Variants in EXOC4 observed in about 807,000 individuals in gnomAD.
The protein encoded by EXOC4 is SEC8-like 1.
EXOC4 carries 71 observed loss-of-function variants against 107.2 expected under a neutral mutation model. That is an observed-to-expected ratio of 0.66 (90% CI 0.55 to 0.81). EXOC4 has a LOEUF of 0.81. Ranked by LOEUF, EXOC4 falls within the 30% of genes least tolerant of loss-of-function variation. EXOC4 has a pLI of 0.00. For missense variants in EXOC4, 1,108 were observed against 1,189.6 expected (o/e 0.93, Z 1.01); for synonymous variants, 456 against 441.2 (o/e 1.03, Z -0.42).
intron 9 of EXOC4, among the ~76,000 whole-genome samples, chr7:133,607,576 G>A (rs916488233): frequency 6.6e-6 from 1 of 152,032 alleles, no homozygotes; most frequent in Non-Finnish European, 1.5e-5. Context: ...TAATTATAGG[G>A]CAACAAAAAG....
At chr7:133,405,185 A>T (rs1000553727) in intron 7 of EXOC4, among the ~76,000 whole-genome samples, 4 of 152,192 alleles carry the variant, frequency 2.6e-5, no homozygotes, top group Non-Finnish European at 5.9e-5. Context: ...TATTAAAATC[A>T]TACAACATTG....
At chr7:133,707,678 C>G (rs1444299978) in intron 10 of EXOC4, among the ~76,000 whole-genome samples, 2 of 151,952 alleles carry the variant, frequency 1.3e-5, no homozygotes, top group Admixed American at 1.3e-4. Flanking sequence ...TGCAGTGATA[C>G]AATCTCAGCT....
chr7:133,737,223 AATGTGTTCT>A (rs2151124070), intron 10 of EXOC4, among the ~76,000 whole-genome samples: 1 of 152,216 alleles, frequency 6.6e-6, no homozygotes, highest in Admixed American at 6.5e-5. Context: ...ACTGTCTTTT[AATGTGTTCT>A]ATGGCTCCTT....
chr7:133,828,703 T>A (rs1797750444), intron 11 of EXOC4, among the ~76,000 whole-genome samples: 1 of 152,170 alleles, frequency 6.6e-6, no homozygotes, highest in Non-Finnish European at 1.5e-5. Flanking sequence ...ACCTGATACA[T>A]CTCTTATAAC....
the EXOC4 span, among the ~76,000 whole-genome samples, chr7:134,094,066 T>G: frequency 6.6e-6 from 1 of 151,830 alleles, no homozygotes; most frequent in Non-Finnish European, 1.5e-5. Context: ...AATAAATAAC[T>G]AAAATCAGAG....
chr7:133,816,290 A>G (rs1797367047), intron 10 of EXOC4, among the ~76,000 whole-genome samples: 1 of 152,206 alleles, frequency 6.6e-6, no homozygotes, highest in Admixed American at 6.5e-5. Flanking sequence ...ATTAAACCAC[A>G]CAAATCAGGG....
At chr7:133,853,654 G>T (rs936730980) in intron 11 of EXOC4, among the ~76,000 whole-genome samples, 2 of 152,128 alleles carry the variant, frequency 1.3e-5, no homozygotes, top group African/African-American at 4.8e-5. Context: ...TGAGAACTGG[G>T]AAACCATTCC....
chr7:133,618,923 A>G (rs1206950154), intron 9 of EXOC4, among the ~76,000 whole-genome samples: 1 of 152,164 alleles, frequency 6.6e-6, no homozygotes, highest in Non-Finnish European at 1.5e-5. Context: ...GCCTCTAGCA[A>G]TTGTAATTTT....
intron 4 of EXOC4, chr7:133,314,913 C>G: frequency 6.6e-6 from 1 of 152,072 alleles, no homozygotes; most frequent in East Asian, 1.9e-4. Flanking sequence ...GTACCATAAA[C>G]CTGTGTCTTT....
downstream of EXOC4, among the ~76,000 whole-genome samples, chr7:134,069,436 CCTT>C (rs1371133537): frequency 2.7e-5 from 4 of 149,122 alleles, no homozygotes; most frequent in Admixed American, 6.7e-5. Flanking sequence ...TTCTCCTCCT[CCTT>C]CTCCTGCTCC....
In EXOC4 at chr7:133,342,705, C is replaced by G. The variant is rs1230695388; in HGVS notation, c.764-13625C>G. Among the ~76,000 whole-genome samples the G allele has an allele frequency of 1.0e-4, 4 of 39,342 alleles. No individual in the cohort carries two copies. In the East Asian group the frequency reaches 3.6e-3, roughly 35 times the overall value. The allele number at this position is 39,342 out of a possible 152,430, so 25.8% of individuals were successfully genotyped here. A position where few individuals can be genotyped will look rare whatever the true frequency, so the allele number is the denominator to read the frequency against. ...AACGTAATTCCAAATCTCTTGGAAG[C>G]TTTGTTCATTTTTTTTTTTGATTCT... is the stretch of plus-strand genomic sequence containing the variant. On this transcript the variant is annotated intron_variant, in intron 5 of 17. Transcript: ENST00000253861.
intron 9 of EXOC4, among the ~76,000 whole-genome samples, chr7:133,491,819 C>T (rs530377298): frequency 2.0e-4 from 31 of 152,178 alleles, no homozygotes; most frequent in Middle Eastern, 3.4e-3. Flanking sequence ...ATTCTTACGC[C>T]GAACTGGTAA....
the EXOC4 span, among the ~76,000 whole-genome samples, chr7:134,084,145 C>G: frequency 6.6e-6 from 1 of 152,176 alleles, no homozygotes; most frequent in Non-Finnish European, 1.5e-5. Flanking sequence ...GGAAACATGA[C>G]TCATCCAAGG....
rs183032350 is a variant in EXOC4 at position 133,313,502 on chromosome 7, A to G, written c.657-3782A>G. 2.0e-4 allele frequency among the ~76,000 whole-genome samples: 30 copies of G among 152,334 alleles called. No individual in the cohort carries two copies. In the East Asian group the frequency reaches 4.8e-3, roughly 24 times the overall value. On this transcript the variant is annotated intron_variant, in intron 4 of 17. Coordinates refer to ENST00000253861, the MANE Select transcript of EXOC4 (RefSeq NM_021807.4). ...GAATATATCAGTTATTCGATTTACA[A>G]CTTAAAGTTCAACTCACCTCTGTCA...
chr7:133,473,146 A>T (rs1798923651), intron 7 of EXOC4, among the ~76,000 whole-genome samples: 1 of 152,150 alleles, frequency 6.6e-6, no homozygotes, highest in African/African-American at 2.4e-5. Flanking sequence ...AAATTGCTGA[A>T]AATCTTATTA....
chr7:133,288,741 G>A (rs1193324745), intron 2 of EXOC4, among the ~76,000 whole-genome samples, 181 bp from the exon 3 acceptor site: 1 of 152,154 alleles, frequency 6.6e-6, no homozygotes, highest in Non-Finnish European at 1.5e-5. Flanking sequence ...GTGGAGATGT[G>A]CCCAAGTGAG....
intron 11 of EXOC4, among the ~76,000 whole-genome samples, chr7:133,850,690 A>G (rs1181578602): frequency 6.6e-6 from 1 of 151,638 alleles, no homozygotes; most frequent in East Asian, 1.9e-4. Context: ...ACTCCAACAG[A>G]TGGTCATCCG....
At chr7:133,306,984 G>T (rs1285074006) in intron 4 of EXOC4, among the ~76,000 whole-genome samples, 1 of 152,142 alleles carries the variant, frequency 6.6e-6, no homozygotes, top group East Asian at 1.9e-4. Flanking sequence ...AGATAGCTGT[G>T]CATAGTACAT....
chr7:133,589,289 G>A (rs936270528), intron 9 of EXOC4, among the ~76,000 whole-genome samples: 2 of 152,166 alleles, frequency 1.3e-5, no homozygotes, highest in African/African-American at 4.8e-5. Flanking sequence ...GTCATAATAA[G>A]CAGATGGTAT....
Sources: gnomAD v4.1 joint callset for allele counts (sites outside exome capture counted in the v4.1 genomes callset) on GRCh38, gnomAD v4.1.1 for gene constraint, MANE v1.5 for transcripts, NCBI Gene and HGNC (gene_info 2026-07-23, HGNC 2026-07-21) for gene names.